Variants in SOS2 observed in about 807,000 individuals in gnomAD.
SOS2 encodes SOS Ras/Rho guanine nucleotide exchange factor 2.
A neutral mutation model predicts 148.2 loss-of-function variants in SOS2; 65 were observed. That is an observed-to-expected ratio of 0.44 (90% CI 0.36 to 0.54). SOS2 has a LOEUF of 0.54. Among genes scored for constraint, SOS2 ranks in the 20% least tolerant of loss-of-function variants. SOS2 has a pLI of 0.00. For missense variants in SOS2, 1,341 were observed against 1,590.2 expected (o/e 0.84, Z 2.67); for synonymous variants, 539 against 537.1 (o/e 1.00, Z -0.05).
chr14:50,150,963 T>C (rs573227556), intron 13 of SOS2, among the ~76,000 whole-genome samples: 253 of 152,168 alleles, frequency 1.7e-3, no homozygotes, highest in African/African-American at 5.7e-3. Context: ...GACCTCGTGA[T>C]CTGCCTGCCT....
In SOS2 at chr14:50,159,511, T is replaced by G. The variant is rs1566831190; in HGVS notation, c.1772A>C (p.Gln591Pro). The change falls in exon 10 of 23, where the codon CAA (glutamine) becomes CCA (proline). Residue 591 changes from glutamine (Q) to proline (P), a missense_variant. Transcript: ENST00000216373. ...EENIVFEDNL[Q>P]SRSGIPIIKG... ...AATAATGGGGATGCCACTTCTACTTTGCAAGTTGTCTTCAAAAACAATGTT... is the reference window on the plus strand; with the variant it reads ...AATAATGGGGATGCCACTTCTACTTGGCAAGTTGTCTTCAAAAACAATGTT... 1.2e-6 allele frequency: 2 copies of G among 1,613,430 alleles called. No individual in the cohort carries two copies. The highest frequency in any genetic ancestry group is 4.5e-5 in the East Asian group (2 of 44,866).
chr14:50,209,518 G>C (rs561854189), intron 1 of SOS2, among the ~76,000 whole-genome samples: 136 of 152,216 alleles, frequency 8.9e-4, no homozygotes, highest in African/African-American at 3.2e-3. Context: ...TGTAATCCCA[G>C]CACTTTGGGA....
chr14:50,219,902 G>A lies in SOS2; in HGVS notation c.87+11295C>T, dbSNP rs183715857. 8.2e-3 allele frequency among the ~76,000 whole-genome samples: 1,240 copies of A among 152,034 alleles called. 46 individuals carry two copies. Among genetic ancestry groups the A allele is most frequent in the Admixed American group, 0.072 (1,098 of 15,256 alleles). ...GAATCTTGCTCTGTCACCCAGGCTG[G>A]AGTGCAGTGGTGTGATCACCACTCA... On this transcript the variant is annotated intron_variant, in intron 1 of 22. Coordinates refer to ENST00000216373, the MANE Select transcript of SOS2 (RefSeq NM_006939.4).
chr14:50,197,770 A>T (rs1886359931), intron 4 of SOS2, among the ~76,000 whole-genome samples: 1 of 149,214 alleles, frequency 6.7e-6, no homozygotes, highest in South Asian at 2.1e-4. Flanking sequence ...CTCAGTGCAA[A>T]CTCTACCTCC....
chr14:50,152,525 G>A (rs985737573), intron 13 of SOS2, among the ~76,000 whole-genome samples: 1 of 152,064 alleles, frequency 6.6e-6, no homozygotes, highest in African/African-American at 2.4e-5. Context: ...AAGAACTTTC[G>A]ACTTCTTTAA....
chr14:50,189,850 AT>A (rs67295878), intron 4 of SOS2, among the ~76,000 whole-genome samples: 17 of 126,292 alleles, frequency 1.3e-4, no homozygotes, highest in Non-Finnish European at 9.8e-5. Context: ...TTTATTTTTT[AT>A]TTTTTTTTTT....
intron 12 of SOS2, among the ~76,000 whole-genome samples, chr14:50,154,815 A>G (rs968377104): frequency 1.1e-4 from 17 of 152,224 alleles, no homozygotes; most frequent in Admixed American, 3.3e-4. Flanking sequence ...GAAGGAACAT[A>G]AGGGAACTTT....
chr14:50,177,680 T>C (rs75481788), intron 7 of SOS2, among the ~76,000 whole-genome samples: 2 of 152,168 alleles, frequency 1.3e-5, no homozygotes, highest in East Asian at 3.8e-4. Flanking sequence ...AAAATATTCC[T>C]CTCTTGAAGT....
Position 50,230,795 on chromosome 14 carries a change from TA to T in SOS2, c.87+401del, listed in dbSNP as rs1490031629. On this transcript the variant is annotated intron_variant, in intron 1 of 22. Transcript: ENST00000216373. Reference sequence around the variant, plus strand: ...GGATACCCTTGACAAGCAAACCGCCTAGGGGGAACACTCCCAAAGAACTTAA... The same window carrying T: ...GGATACCCTTGACAAGCAAACCGCCTGGGGGAACACTCCCAAAGAACTTAA... 6 of 647,152 alleles carry T rather than the reference TA, an allele frequency of 9.3e-6. No individual in the cohort carries two copies. In the African/African-American group the frequency reaches 1.2e-4, roughly 13 times the overall value. 40.1% of individuals were successfully genotyped at this position (647,152 alleles called of 1,614,324 possible). A position where few individuals can be genotyped will look rare whatever the true frequency, so the allele number is the denominator to read the frequency against.
chr14:50,189,162 C>G (rs1234447062), intron 4 of SOS2, among the ~76,000 whole-genome samples: 1 of 145,772 alleles, frequency 6.9e-6, no homozygotes, highest in Non-Finnish European at 1.5e-5. Flanking sequence ...TATGATAAAA[C>G]CTAGAATAAA....
intron 4 of SOS2, among the ~76,000 whole-genome samples, chr14:50,193,763 T>G (rs1886229186): frequency 1.3e-5 from 2 of 152,098 alleles, no homozygotes; most frequent in Non-Finnish European, 2.9e-5. Flanking sequence ...TTTTTTTTTT[T>G]TTTGAGACAT....
chr14:50,162,163 TA>T (rs1267153222), intron 8 of SOS2, among the ~76,000 whole-genome samples: 1 of 152,174 alleles, frequency 6.6e-6, no homozygotes, highest in Non-Finnish European at 1.5e-5. Context: ...TTTTATTTTT[TA>T]TTTTTTTGAG....
chr14:50,229,426 C>A (rs1887472126), intron 1 of SOS2, among the ~76,000 whole-genome samples: 1 of 148,256 alleles, frequency 6.7e-6, no homozygotes, highest in Non-Finnish European at 1.5e-5. Context: ...AAAACAAGCA[C>A]AATATAAATG....
At chr14:50,164,243 C>G (rs1004095650) in intron 8 of SOS2, among the ~76,000 whole-genome samples, 2 of 152,032 alleles carry the variant, frequency 1.3e-5, no homozygotes, top group African/African-American at 4.8e-5. Flanking sequence ...GAGTTCAAGA[C>G]CAGCCTGACC....
intron 1 of SOS2, among the ~76,000 whole-genome samples, chr14:50,220,112 T>C (rs1263203750): frequency 6.6e-6 from 1 of 151,212 alleles, no homozygotes; most frequent in African/African-American, 2.4e-5. Context: ...GAACAGACCC[T>C]GCATTGGGCC....
intron 18 of SOS2, 79 bp from the exon 19 acceptor site, chr14:50,134,318 A>T (rs1884004258): frequency 1.4e-6 from 1 of 711,680 alleles, no homozygotes; most frequent in Non-Finnish European, 2.4e-6. Flanking sequence ...TCTCATTAAA[A>T]TTTTTTGCTG....
chr14:50,132,937 C>T (rs972070006), intron 19 of SOS2, among the ~76,000 whole-genome samples: 1 of 152,064 alleles, frequency 6.6e-6, no homozygotes, highest in African/African-American at 2.4e-5. Flanking sequence ...TAGGCATCCA[C>T]TTACAGTCTT....
chr14:50,122,819 A>T (rs1883560757), intron 21 of SOS2, among the ~76,000 whole-genome samples: 1 of 152,206 alleles, frequency 6.6e-6, no homozygotes, highest in Non-Finnish European at 1.5e-5. Flanking sequence ...AATATAGCAG[A>T]ATTTACTAAA....
intron 7 of SOS2, among the ~76,000 whole-genome samples, chr14:50,177,724 G>A (rs775179467): frequency 1.2e-4 from 18 of 152,070 alleles, no homozygotes; most frequent in Admixed American, 1.0e-3. Context: ...TGTATTCCAT[G>A]ATAACAAATT....
Sources: allele counts gnomAD v4.1 joint callset (sites outside exome capture counted in the v4.1 genomes callset), GRCh38; gene constraint gnomAD v4.1.1; transcripts MANE v1.5; gene names NCBI Gene and HGNC (gene_info 2026-07-23, HGNC 2026-07-21).